Variants in UPRT observed in about 807,000 individuals in gnomAD.
UPRT encodes uracil phosphoribosyltransferase homolog, also known as RP11-311P8.3.
Under a neutral mutation model 22.6 loss-of-function variants are expected in UPRT, and 5 were observed. That is an observed-to-expected ratio of 0.22 (90% CI 0.12 to 0.47). UPRT has a LOEUF of 0.47. Among genes scored for constraint, UPRT ranks in the 20% least tolerant of loss-of-function variants. UPRT has a pLI of 0.99. For missense variants in UPRT, 181 were observed against 239.9 expected (o/e 0.75, Z 1.62); for synonymous variants, 77 against 87.7 (o/e 0.88, Z 0.68).
chrX:75,169,780 GTTAAGTCCATTTGTTCCAGAGTATAGT>G (rs2082221776), intron 4 of UPRT, among the ~76,000 whole-genome samples: 1 of 111,996 alleles, frequency 8.9e-6, no homozygotes, highest in African/African-American at 3.3e-5. Flanking sequence ...GTAAGTATCT[GTTAAGTCCATTTGTTCCAGAGTATAGT>G]TTAAGTCCAT....
At chrX:75,239,604 G>T (rs751305063) in intron 4 of UPRT, among the ~76,000 whole-genome samples, 7 of 110,962 alleles carry the variant, frequency 6.3e-5, no homozygotes, top group Non-Finnish European at 1.3e-4. Flanking sequence ...ATTTTATGAA[G>T]CCATGATCAC....
intron 4 of UPRT, among the ~76,000 whole-genome samples, chrX:75,187,465 T>C (rs1309388023): frequency 9.0e-6 from 1 of 111,665 alleles, no homozygotes; most frequent in Non-Finnish European, 1.9e-5. Context: ...ATTTTTTCTT[T>C]CATTTCAACT....
intron 4 of UPRT, among the ~76,000 whole-genome samples, chrX:75,225,286 G>T (rs1368700094): frequency 9.5e-6 from 1 of 105,258 alleles, no homozygotes; most frequent in African/African-American, 3.5e-5. Flanking sequence ...GGTCAACATA[G>T]AGTCCATCTC....
intron 4 of UPRT, among the ~76,000 whole-genome samples, chrX:75,248,007 A>G (rs1232084978): frequency 8.9e-6 from 1 of 112,220 alleles, no homozygotes; most frequent in East Asian, 2.8e-4. Flanking sequence ...GAGGGTCCTG[A>G]CGGTTAGAAG....
At chrX:75,211,759 C>A (rs1467028363) in intron 4 of UPRT, among the ~76,000 whole-genome samples, 1 of 111,460 alleles carries the variant, frequency 9.0e-6, no homozygotes, top group Non-Finnish European at 1.9e-5. Flanking sequence ...ATCCCCATCC[C>A]AGGTTTTGGC....
intron 4 of UPRT, among the ~76,000 whole-genome samples, chrX:75,248,395 A>T (rs1448202515): frequency 1.8e-5 from 2 of 112,310 alleles, no homozygotes; most frequent in East Asian, 5.6e-4. Flanking sequence ...CCATGGCATG[A>T]GAAATACGTG....
At chrX:75,186,412 T>C (rs1171333697) in intron 4 of UPRT, among the ~76,000 whole-genome samples, 2 of 111,798 alleles carry the variant, frequency 1.8e-5, no homozygotes, top group African/African-American at 6.5e-5. Context: ...TCTGTTCTTT[T>C]ACATTTGCTG....
chrX:75,185,205 A>C (rs2082285629), intron 4 of UPRT, among the ~76,000 whole-genome samples: 2 of 111,807 alleles, frequency 1.8e-5, no homozygotes, highest in Non-Finnish European at 3.8e-5. Flanking sequence ...ATCAATACCT[A>C]ATTTATTGAG....
chrX:75,220,432 C>T (rs2082406115), intron 4 of UPRT, among the ~76,000 whole-genome samples: 1 of 111,283 alleles, frequency 9.0e-6, no homozygotes, highest in Non-Finnish European at 1.9e-5. Context: ...TAAGGACTTA[C>T]TCTTGCCATT....
chrX:75,272,340 A>G (rs1223222661), upstream of UPRT, among the ~76,000 whole-genome samples: 24 of 92,961 alleles, frequency 2.6e-4, no homozygotes, highest in African/African-American at 9.3e-4. Flanking sequence ...GTATATATAT[A>G]TATACACATA....
At chrX:75,294,105 T>C (rs1168747831) in intron 2 of UPRT, among the ~76,000 whole-genome samples, 2 of 110,577 alleles carry the variant, frequency 1.8e-5, no homozygotes, top group Admixed American at 1.9e-4. Flanking sequence ...GTAAGCACTG[T>C]GTTTTCTTCT....
chrX:75,280,241 GCTGA>G (rs1486353102), intron 1 of UPRT, among the ~76,000 whole-genome samples: 1 of 110,501 alleles, frequency 9.0e-6, no homozygotes, highest in African/African-American at 3.3e-5. Context: ...TGTTTACTCT[GCTGA>G]CTGTTTCTTT....
upstream of UPRT, chrX:75,274,083 C>T (rs977711878): frequency 6.3e-4 from 442 of 698,166 alleles, 2 homozygotes; most frequent in Non-Finnish European, 2.0e-4. Flanking sequence ...CGGGAGTGAG[C>T]CAAAGTGTGC....
intron 4 of UPRT, among the ~76,000 whole-genome samples, chrX:75,183,778 G>C (rs963361705): frequency 4.5e-5 from 5 of 112,340 alleles, no homozygotes; most frequent in Non-Finnish European, 7.5e-5. Context: ...GACCAGTGAT[G>C]ATGAGCATTT....
intron 4 of UPRT, among the ~76,000 whole-genome samples, chrX:75,210,115 C>T (rs991528898): frequency 9.0e-6 from 1 of 111,630 alleles, no homozygotes; most frequent in African/African-American, 3.3e-5. Flanking sequence ...GCAGGGGCAG[C>T]TTTATTTATG....
chrX:75,158,128 C>T (rs1024215440), intron 1 of UPRT, among the ~76,000 whole-genome samples: 1 of 111,939 alleles, frequency 8.9e-6, no homozygotes, highest in Non-Finnish European at 1.9e-5. Flanking sequence ...AGTTGTTACT[C>T]TATGATGAGC....
intron 1 of UPRT, among the ~76,000 whole-genome samples, chrX:75,277,408 C>CT (rs766772387): frequency 7.1e-4 from 73 of 103,046 alleles, no homozygotes; most frequent in African/African-American, 1.5e-3. Flanking sequence ...AAGTGGAATC[C>CT]TTTTTTTTTT....
At chrX:75,203,339 A>G (rs2082352694) in intron 4 of UPRT, among the ~76,000 whole-genome samples, 1 of 111,251 alleles carries the variant, frequency 9.0e-6, no homozygotes, top group Admixed American at 9.6e-5. Context: ...CTCCCATACA[A>G]TAATAGTCGG....
chrX:75,166,748 C>T (rs1035836828), intron 3 of UPRT, among the ~76,000 whole-genome samples: 1 of 112,395 alleles, frequency 8.9e-6, no homozygotes, highest in Non-Finnish European at 1.9e-5. Context: ...TAAATCTTCT[C>T]TTCTCCACAA....
Sources: gnomAD v4.1 joint callset for allele counts (sites outside exome capture counted in the v4.1 genomes callset) on GRCh38, gnomAD v4.1.1 for gene constraint, MANE v1.5 for transcripts, NCBI Gene and HGNC (gene_info 2026-07-23, HGNC 2026-07-21) for gene names.